Variants in LAMA3 observed in about 807,000 individuals in gnomAD.
The protein encoded by LAMA3 is laminin subunit alpha 3.
Under a neutral mutation model 402.0 loss-of-function variants are expected in LAMA3, and 281 were observed. The observed-to-expected ratio is 0.70, with a 90% CI of 0.63 to 0.77. LAMA3 has a LOEUF of 0.77. Ranked by LOEUF, LAMA3 falls within the 30% of genes least tolerant of loss-of-function variation. The pLI is 0.00. For synonymous variants in LAMA3, 1,431 were observed against 1,558.4 expected, an observed-to-expected ratio of 0.92 and a Z score of 1.93; for missense variants, 3,840 against 4,215.5, an observed-to-expected ratio of 0.91 and a Z score of 2.47.
chr18:23,947,367 A>G (rs954381039), intron 70 of LAMA3, among the ~76,000 whole-genome samples: 10 of 152,158 alleles, frequency 6.6e-5, no homozygotes, highest in African/African-American at 2.4e-4. Context: ...CCTCCGCCTT[A>G]ATGCAATTTT....
intron 2 of LAMA3, among the ~76,000 whole-genome samples, chr18:23,729,293 C>G (rs772561665): frequency 6.6e-6 from 1 of 152,088 alleles, no homozygotes; most frequent in African/African-American, 2.4e-5. Context: ...CAAATGTATA[C>G]TTCGTGTATG....
At chr18:23,810,598 C>T (rs1357705402) in intron 13 of LAMA3, 95 bp downstream of exon 13, 1 of 1,317,382 alleles carries the variant, frequency 7.6e-7, no homozygotes, top group African/African-American at 1.4e-5. Flanking sequence ...CACAGACTCA[C>T]CACTGGCCAC....
intron 5 of LAMA3, among the ~76,000 whole-genome samples, chr18:23,751,699 T>C (rs1288463098): frequency 1.3e-5 from 2 of 152,164 alleles, no homozygotes; most frequent in Non-Finnish European, 2.9e-5. Flanking sequence ...TGGAGGCACA[T>C]AGGTATTGGT....
intron 12 of LAMA3, among the ~76,000 whole-genome samples, chr18:23,807,412 T>C (rs2062983188): frequency 6.6e-6 from 1 of 152,134 alleles, no homozygotes; most frequent in Non-Finnish European, 1.5e-5. Flanking sequence ...GGTACGTAGA[T>C]AGAGCTTATC....
chr18:23,728,245 C>T (rs537995489), intron 2 of LAMA3, among the ~76,000 whole-genome samples: 31 of 152,174 alleles, frequency 2.0e-4, no homozygotes, highest in Admixed American at 1.4e-3. Flanking sequence ...TGTTCTGTGC[C>T]CAGTGACCCA....
Position 23,822,363 on chromosome 18 carries a change from T to C in LAMA3, c.2416T>C (p.Tyr806His), listed in dbSNP as rs907584147. ...TEAVSGHITI[Y>H]PSWGAAQSKE... is the part of the protein sequence containing the mutation. ...AGCAGTATCTGGCCATATAACTATTTATCCATCCTGGGGTAAGGCACGTAG... is the reference window on the plus strand; with the variant it reads ...AGCAGTATCTGGCCATATAACTATTCATCCATCCTGGGGTAAGGCACGTAG... The change falls in exon 20 of 75, where the codon TAT becomes CAT. Residue 806 changes from tyrosine to histidine, a missense_variant. Physicochemically the swap from Tyr to His is moderately conservative, Grantham distance 83. Transcript: ENST00000313654. The C allele has an allele frequency of 1.3e-5, 21 of 1,613,868 alleles. No individual in the cohort carries two copies. Among genetic ancestry groups the C allele is most frequent in the Non-Finnish European group, 1.8e-5 (21 of 1,179,746 alleles).
chr18:23,700,860 G>C (rs1258673806), intron 1 of LAMA3, among the ~76,000 whole-genome samples: 1 of 152,032 alleles, frequency 6.6e-6, no homozygotes, highest in Non-Finnish European at 1.5e-5. Context: ...ACCATGCCCA[G>C]CTAATTTTTG....
At chr18:23,863,431 C>G (rs1390269858) in intron 35 of LAMA3, among the ~76,000 whole-genome samples, 1 of 152,146 alleles carries the variant, frequency 6.6e-6, no homozygotes, top group East Asian at 1.9e-4. Flanking sequence ...GGCGACAGAG[C>G]GAGACTCCAT....
chr18:23,898,936 A>C lies in LAMA3; in HGVS notation c.5725-18A>C. 1 of 1,604,762 alleles carries C rather than the reference A, an allele frequency of 6.2e-7. No homozygotes were observed. The highest frequency in any genetic ancestry group is 8.5e-7 in the Non-Finnish European group (1 of 1,171,642). ...TTATTGACTTAATTTGCTGCTAATCAATTTATTTTTCATATAGGCTCAAGT... is the reference window on the plus strand; with the variant it reads ...TTATTGACTTAATTTGCTGCTAATCCATTTATTTTTCATATAGGCTCAAGT... On this transcript the variant is annotated intron_variant, in intron 45 of 74. Transcript: ENST00000313654.
In LAMA3 at chr18:23,824,408, T is replaced by C; in HGVS notation, c.2429-15T>C. The C allele has an allele frequency of 6.2e-7, 1 of 1,613,992 alleles. No homozygotes were observed. The highest frequency in any genetic ancestry group is 8.5e-7 in the Non-Finnish European group (1 of 1,179,880). On this transcript the variant is annotated splice_polypyrimidine_tract_variant and intron_variant, in intron 20 of 74. Transcript: ENST00000313654. ...ATAGAAAAATGCCTTAAGCAGTTCT[T>C]TGTATTTCTGATAGGTGCTGCTCAA...
Position 23,784,175 on chromosome 18 carries a change from A to G in LAMA3, c.1603+18A>G. The G allele has an allele frequency of 6.2e-7, 1 of 1,613,972 alleles. No individual in the cohort carries two copies. ...TTGCCAAGGTAAGTGGGCAGAACAT[A>G]GCATATTCATAATCAATCCCTCAAG... On this transcript the variant is annotated intron_variant, in intron 12 of 74. Coordinates refer to ENST00000313654, the MANE Select transcript of LAMA3 (RefSeq NM_198129.4).
chr18:23,791,734 T>TAAAAAAA (rs11348422), intron 12 of LAMA3, among the ~76,000 whole-genome samples: 1 of 89,678 alleles, frequency 1.1e-5, no homozygotes, highest in Admixed American at 1.3e-4. Flanking sequence ...AGAATTTGTC[T>TAAAAAAA]AAAAAAAAAA....
chr18:23,904,221 C>A, intron 50 of LAMA3, 134 bp downstream of exon 50: 1 of 987,908 alleles, frequency 1.0e-6, no homozygotes, highest in Non-Finnish European at 1.6e-6. Flanking sequence ...GGGTCAAGGC[C>A]AATGCCCCAG....
chr18:23,872,973 T>C (rs1463117710), intron 38 of LAMA3: 7 of 1,598,138 alleles, frequency 4.4e-6, no homozygotes, highest in East Asian at 2.2e-5. Flanking sequence ...GCCCGGGCAC[T>C]GAGCAGGAAG....
chr18:23,826,984 C>A (rs1411793181), intron 22 of LAMA3, among the ~76,000 whole-genome samples, 185 bp downstream of exon 22: 1 of 152,172 alleles, frequency 6.6e-6, no homozygotes, highest in Non-Finnish European at 1.5e-5. Flanking sequence ...ACTTTGCACA[C>A]CATAGCTGGC....
intron 2 of LAMA3, among the ~76,000 whole-genome samples, chr18:23,728,902 G>A (rs1332800536): frequency 2.6e-5 from 4 of 151,702 alleles, no homozygotes; most frequent in South Asian, 4.2e-4. Context: ...GTGGTGGTGC[G>A]CACCTATAGT....
intron 38 of LAMA3, among the ~76,000 whole-genome samples, chr18:23,873,908 G>A (rs756836444): frequency 2.0e-5 from 3 of 152,076 alleles, no homozygotes; most frequent in South Asian, 2.1e-4. Flanking sequence ...GAACACATTC[G>A]TTTTCATTTA....
At chr18:23,942,450 A>G (rs557994842) in intron 68 of LAMA3, among the ~76,000 whole-genome samples, 5 of 152,176 alleles carry the variant, frequency 3.3e-5, no homozygotes, top group Admixed American at 2.0e-4. Flanking sequence ...CATCTTCCAC[A>G]CTCATTAAAT....
chr18:23,777,492 C>A, intron 10 of LAMA3, 65 bp from the exon 11 acceptor site: 1 of 1,127,520 alleles, frequency 8.9e-7, no homozygotes, highest in Non-Finnish European at 1.4e-6. Flanking sequence ...GTTAGTACAA[C>A]TTAATGTTTT....
Sources: gnomAD v4.1 joint callset for allele counts (sites outside exome capture counted in the v4.1 genomes callset) on GRCh38, gnomAD v4.1.1 for gene constraint, MANE v1.5 for transcripts, NCBI Gene and HGNC (gene_info 2026-07-23, HGNC 2026-07-21) for gene names.